Variants in STXBP3 observed in about 807,000 individuals in gnomAD.
STXBP3 encodes the protein syntaxin-binding protein 3.
Under a neutral mutation model 85.7 loss-of-function variants are expected in STXBP3, and 41 were observed. The ratio of observed to expected loss-of-function variants is 0.48; its 90% CI spans 0.37 to 0.62. The LOEUF (loss-of-function observed/expected upper bound fraction) is 0.62, where lower values mean the gene tolerates loss of function less well. STXBP3 is among the 20% of genes least tolerant of loss of function. The pLI is 0.00. For missense variants in STXBP3, 563 were observed against 703.1 expected (o/e 0.80, Z 2.25); for synonymous variants, 229 against 231.7 (o/e 0.99, Z 0.10).
rs1452451353 is a variant in STXBP3 at position 108,771,930 on chromosome 1, C to CTA, written c.439-734_439-733insAT. Among the ~76,000 whole-genome samples, 124 of 33,078 alleles carry CTA rather than the reference C, an allele frequency of 3.7e-3. 48 individuals are homozygous for CTA. The highest frequency in any genetic ancestry group is 0.028 in the East Asian group (21 of 756). The allele number at this position is 33,078 out of a possible 152,430, so 21.7% of individuals were successfully genotyped here. A position where few individuals can be genotyped will look rare whatever the true frequency, so the allele number is the denominator to read the frequency against. On this transcript the variant is annotated intron_variant, in intron 6 of 18. Transcript: ENST00000370008. ...ATATATAAATACATATGATATCTAT[C>CTA]TGTATCATATATAAATACATATGAT... is the stretch of plus-strand genomic sequence containing the variant.
chr1:108,747,232 A>G (rs1384771643), intron 1 of STXBP3, among the ~76,000 whole-genome samples: 1 of 137,022 alleles, frequency 7.3e-6, no homozygotes, highest in African/African-American at 2.7e-5. Context: ...GGAGTTTGCA[A>G]GGACTGTTTA....
chr1:108,752,395 T>G, intron 2 of STXBP3, 89 bp downstream of exon 2: 1 of 1,208,082 alleles, frequency 8.3e-7, no homozygotes, highest in Non-Finnish European at 1.2e-6. Flanking sequence ...TACATGGTAT[T>G]AGGTATTCTA....
intron 16 of STXBP3, among the ~76,000 whole-genome samples, chr1:108,799,320 T>A (rs1038783602): frequency 2.6e-5 from 4 of 152,230 alleles, no homozygotes; most frequent in Admixed American, 6.5e-5. Flanking sequence ...TAGAACTAAG[T>A]AGTTTCTTAT....
chr1:108,753,663 A>C lies in STXBP3; in HGVS notation c.181+519A>C, dbSNP rs542918994. Among the ~76,000 whole-genome samples the C allele has an allele frequency of 1.2e-3, 184 of 152,304 alleles. 1 individual carries two copies. The highest frequency in any genetic ancestry group is 2.2e-3 in the Non-Finnish European group (153 of 68,000). ...TACTTACAGATTCTGAAAAAAAATC[A>C]TAATGTCATAAGAAGTTATCTTCCT... On this transcript the variant is annotated intron_variant, in intron 3 of 18. Transcript: ENST00000370008.
chr1:108,764,315 G>T (rs778800992), intron 6 of STXBP3, among the ~76,000 whole-genome samples: 1 of 151,968 alleles, frequency 6.6e-6, no homozygotes, highest in Non-Finnish European at 1.5e-5. Flanking sequence ...GGGCATTTAG[G>T]TTGATTCCAT....
rs141839754 is a variant in STXBP3, at chr1:108,801,656, A to AT, written c.1535+1351_1535+1352insT. On this transcript the variant is annotated intron_variant, in intron 17 of 18. Coordinates refer to ENST00000370008, the MANE Select transcript of STXBP3 (RefSeq NM_007269.4). ...GTTCTTAAGTCTCCCTCCTTTTTTT[A>AT]ATTTTTTTTTTTTTTTTAAATAGAG... Among the ~76,000 whole-genome samples the AT allele has an allele frequency of 7.7e-3, 1,073 of 138,860 alleles. 24 individuals are homozygous for AT. In the East Asian group the frequency reaches 0.089, roughly 12 times the overall value. The allele number at this position is 138,860 out of a possible 152,430, so 91.1% of individuals were successfully genotyped here.
At chr1:108,751,746 C>T (rs1418941370) in intron 1 of STXBP3, among the ~76,000 whole-genome samples, 2 of 149,970 alleles carry the variant, frequency 1.3e-5, no homozygotes, top group African/African-American at 4.9e-5. Context: ...TTTTGAAAGT[C>T]ATTGTAAGGA....
chr1:108,780,402 AAACTTTT>A (rs1460425410), intron 9 of STXBP3: 1 of 152,098 alleles, frequency 6.6e-6, no homozygotes, highest in African/African-American at 2.4e-5. Flanking sequence ...GTAGGTCTCT[AAACTTTT>A]AAGTAGACTT....
At chr1:108,749,814 C>T (rs1661864541) in intron 1 of STXBP3, among the ~76,000 whole-genome samples, 1 of 152,088 alleles carries the variant, frequency 6.6e-6, no homozygotes, top group Admixed American at 6.5e-5. Context: ...GATTCCAAGA[C>T]AGTTCTATCA....
chr1:108,762,380 G>T (rs1538352), intron 6 of STXBP3, among the ~76,000 whole-genome samples: 26,828 of 152,030 alleles, frequency 0.18, 3,138 homozygotes, highest in Non-Finnish European at 0.26. Context: ...TCAGGAATAG[G>T]CTATATAAGG....
intron 11 of STXBP3, among the ~76,000 whole-genome samples, chr1:108,785,111 A>T (rs997288964): frequency 6.6e-6 from 1 of 152,098 alleles, no homozygotes; most frequent in Non-Finnish European, 1.5e-5. Flanking sequence ...GATCTGGAGG[A>T]TGGTGACCCG....
intron 13 of STXBP3, among the ~76,000 whole-genome samples, chr1:108,795,793 T>G (rs919847397): frequency 3.3e-5 from 5 of 152,258 alleles, no homozygotes; most frequent in Non-Finnish European, 5.9e-5. Context: ...ACAAGTGATG[T>G]TCATATTTTC....
At chr1:108,762,978 A>G (rs530452952) in intron 6 of STXBP3, among the ~76,000 whole-genome samples, 4 of 152,342 alleles carry the variant, frequency 2.6e-5, no homozygotes, top group African/African-American at 7.2e-5. Flanking sequence ...TTTCACACAC[A>G]TTCAGTGTTA....
Position 108,756,750 on chromosome 1 carries a change from TC to T in STXBP3, c.243del (p.Thr82LeufsTer7). ...PVRQMKALYF[I>X]TPTSKSVDCF... ...AGACAAATGAAAGCTCTTTATTTCA[TC>T]ACTCCGACATCAAAGGTGAGTATTT... On this transcript the variant is annotated frameshift_variant, in exon 4 of 19. Coordinates refer to ENST00000370008, the MANE Select transcript of STXBP3 (RefSeq NM_007269.4). LOFTEE classifies it high-confidence loss of function. 1 of 1,595,562 alleles carries T rather than the reference TC, an allele frequency of 6.3e-7. No homozygotes were observed. Among genetic ancestry groups the T allele is most frequent in the Non-Finnish European group, 8.5e-7 (1 of 1,169,800 alleles).
At chr1:108,786,562 G>C (rs1662832852) in intron 11 of STXBP3, among the ~76,000 whole-genome samples, 1 of 152,198 alleles carries the variant, frequency 6.6e-6, no homozygotes, top group Non-Finnish European at 1.5e-5. Context: ...TCACCATTGA[G>C]TTGCAGTAAT....
chr1:108,755,698 A>C (rs1285213354), intron 3 of STXBP3, among the ~76,000 whole-genome samples: 1 of 152,206 alleles, frequency 6.6e-6, no homozygotes, highest in African/African-American at 2.4e-5. Context: ...TATGTATAGC[A>C]TGACTGTAAG....
At chr1:108,773,158 T>G (rs1662505735) in intron 7 of STXBP3, among the ~76,000 whole-genome samples, 1 of 152,206 alleles carries the variant, frequency 6.6e-6, no homozygotes, top group African/African-American at 2.4e-5. Flanking sequence ...AATGACCATA[T>G]TCTCTGGATA....
At chr1:108,791,024 C>G (rs1229689371) in intron 11 of STXBP3, among the ~76,000 whole-genome samples, 1 of 152,138 alleles carries the variant, frequency 6.6e-6, no homozygotes, top group Non-Finnish European at 1.5e-5. Flanking sequence ...TCTTACTGCT[C>G]TTCAGTTTTT....
intron 6 of STXBP3, among the ~76,000 whole-genome samples, chr1:108,770,097 C>T (rs1435722151): frequency 7.2e-5 from 11 of 151,978 alleles, no homozygotes; most frequent in African/African-American, 1.5e-4. Flanking sequence ...CTAGACCAGC[C>T]TGGGCAACAA....
Sources: allele counts gnomAD v4.1 joint callset (sites outside exome capture counted in the v4.1 genomes callset), GRCh38; gene constraint gnomAD v4.1.1; transcripts MANE v1.5; gene names NCBI Gene and HGNC (gene_info 2026-07-23, HGNC 2026-07-21).